Variants in FAF1 observed in about 807,000 individuals in gnomAD.
FAF1 encodes FAS-associated factor 1.
A neutral mutation model predicts 92.5 loss-of-function variants in FAF1; 25 were observed. That is an observed-to-expected ratio of 0.27 (90% CI 0.20 to 0.38). FAF1 has a LOEUF of 0.38. FAF1 is among the 10% of genes least tolerant of loss of function. The probability of loss-of-function intolerance (pLI) is 1.00; values close to 1 mark genes in which losing one functional copy is unlikely to be tolerated. For missense variants in FAF1, 636 were observed against 793.3 expected, an observed-to-expected ratio of 0.80 and a Z score of 2.38; for synonymous variants, 234 against 273.2, an observed-to-expected ratio of 0.86 and a Z score of 1.42.
intron 8 of FAF1, among the ~76,000 whole-genome samples, chr1:50,640,642 T>G (rs1300029665): frequency 6.6e-6 from 1 of 152,140 alleles, no homozygotes; most frequent in Non-Finnish European, 1.5e-5. Context: ...ATTTTAACCT[T>G]TCAAGCAACT....
chr1:50,952,662 G>A (rs1402853715), intron 1 of FAF1, among the ~76,000 whole-genome samples: 1 of 151,860 alleles, frequency 6.6e-6, no homozygotes, highest in Non-Finnish European at 1.5e-5. Flanking sequence ...TAGGAAGTGA[G>A]GAGCATCTCT....
chr1:50,575,633 A>G (rs1650695192), intron 12 of FAF1, among the ~76,000 whole-genome samples: 1 of 152,250 alleles, frequency 6.6e-6, no homozygotes, highest in Admixed American at 6.5e-5. Context: ...TAGCATTCTA[A>G]GTCTTATTTC....
Position 50,596,135 on chromosome 1 carries a change from C to G in FAF1, c.826G>C (p.Glu276Gln), listed in dbSNP as rs765687016. 1.9e-6 allele frequency: 3 copies of G among 1,613,476 alleles called. No homozygotes were observed. Among genetic ancestry groups the G allele is most frequent in the Middle Eastern group, 1.7e-4 (1 of 6,030 alleles). ...AACAGGCTTACTTCTTCCGACTGTT[C>G]CCGGGTCTGTGCAGGTGAAGATCTT... ...GRRSSPAQTREQSEEQITDVH... is the reference protein window; with the variant it reads ...GRRSSPAQTRQQSEEQITDVH... Residue 276 changes from glutamate to glutamine, a missense_variant, in exon 9 of 19, where the codon GAA (glutamate) becomes CAA (glutamine). By Grantham distance (29) the Glu-to-Gln change is conservative. Transcript: ENST00000396153.
At chr1:50,838,226 T>A (rs1156587961) in intron 2 of FAF1, among the ~76,000 whole-genome samples, 3 of 152,142 alleles carry the variant, frequency 2.0e-5, no homozygotes, top group Admixed American at 2.0e-4. Flanking sequence ...TGGTGGATGT[T>A]TCTTTAAAAA....
At position 50,938,910 on chromosome 1, in the gene FAF1, G is replaced by A. The variant is rs764763987; in HGVS notation, c.45+20857C>T. Among the ~76,000 whole-genome samples the A allele has an allele frequency of 2.7e-4, 41 of 152,084 alleles. 1 individual carries two copies. The highest frequency in any genetic ancestry group is 4.3e-4 in the Non-Finnish European group (29 of 68,016). ...CTTTTATTTCTGAGTTTTCTATTCT[G>A]TTCCATTGGTCTATGTGTCTGTTTT... is the stretch of plus-strand genomic sequence containing the variant. On this transcript the variant is annotated intron_variant, in intron 1 of 18. Transcript: ENST00000396153.
intron 12 of FAF1, among the ~76,000 whole-genome samples, chr1:50,574,494 C>G (rs1390238072): frequency 6.6e-6 from 1 of 152,106 alleles, no homozygotes; most frequent in Non-Finnish European, 1.5e-5. Context: ...TTTTCTAACC[C>G]TTTACTATTC....
intron 8 of FAF1, among the ~76,000 whole-genome samples, chr1:50,613,602 GT>G (rs1481093528): frequency 1.3e-5 from 2 of 151,896 alleles, no homozygotes; most frequent in Non-Finnish European, 2.9e-5. Flanking sequence ...AATTTATAAT[GT>G]ATATTAAACA....
At chr1:50,895,043 TA>T (rs1223683422) in intron 1 of FAF1, among the ~76,000 whole-genome samples, 4 of 150,864 alleles carry the variant, frequency 2.7e-5, no homozygotes, top group Non-Finnish European at 1.5e-5. Context: ...AGAGCAGAAA[TA>T]AATGCAATTG....
At chr1:50,691,869 G>A (rs981347213) in intron 7 of FAF1, among the ~76,000 whole-genome samples, 1 of 152,130 alleles carries the variant, frequency 6.6e-6, no homozygotes, top group Non-Finnish European at 1.5e-5. Flanking sequence ...TATTTATGGG[G>A]TACAAAGTGA....
At chr1:50,818,096 G>A (rs1049219744) in intron 2 of FAF1, among the ~76,000 whole-genome samples, 5 of 152,038 alleles carry the variant, frequency 3.3e-5, no homozygotes, top group African/African-American at 7.2e-5. Flanking sequence ...ACAGGTGCAC[G>A]TATCTGTCAA....
intron 15 of FAF1, among the ~76,000 whole-genome samples, chr1:50,500,848 C>A (rs1317057056): frequency 6.6e-6 from 1 of 152,008 alleles, no homozygotes; most frequent in Admixed American, 6.6e-5. Context: ...AATATTATTA[C>A]TACAATTATA....
chr1:50,555,426 A>G (rs1301737208), intron 13 of FAF1, among the ~76,000 whole-genome samples: 1 of 152,206 alleles, frequency 6.6e-6, no homozygotes, highest in Non-Finnish European at 1.5e-5. Flanking sequence ...AAAAACAAAT[A>G]ATCCCATTAA....
At chr1:50,833,009 T>C (rs2124634652) in intron 2 of FAF1, among the ~76,000 whole-genome samples, 1 of 149,820 alleles carries the variant, frequency 6.7e-6, no homozygotes, top group African/African-American at 2.6e-5. Context: ...ACCATGCTGT[T>C]ATGGCCTTTT....
intron 2 of FAF1, among the ~76,000 whole-genome samples, chr1:50,820,252 T>C (rs1644031686): frequency 6.6e-6 from 1 of 152,182 alleles, no homozygotes; most frequent in Non-Finnish European, 1.5e-5. Context: ...CAAGTATTCG[T>C]ATTCTGATAG....
chr1:50,647,056 C>CCAGGCTGGT (rs1335903369), intron 8 of FAF1, among the ~76,000 whole-genome samples: 1 of 152,056 alleles, frequency 6.6e-6, no homozygotes, highest in Non-Finnish European at 1.5e-5. Context: ...ACCATGTTGG[C>CCAGGCTGGT]CAGGCTGGTC....
intron 1 of FAF1, among the ~76,000 whole-genome samples, chr1:50,906,200 A>G (rs554967833): frequency 1.3e-5 from 2 of 152,142 alleles, no homozygotes; most frequent in African/African-American, 2.4e-5. Flanking sequence ...GATGTGTGGT[A>G]TTATTTCTGA....
intron 18 of FAF1, among the ~76,000 whole-genome samples, chr1:50,455,182 A>AC (rs1650274215): frequency 6.6e-6 from 1 of 152,188 alleles, no homozygotes; most frequent in Non-Finnish European, 1.5e-5. Flanking sequence ...GGCTGACAGT[A>AC]AGTCTGCATC....
intron 13 of FAF1, among the ~76,000 whole-genome samples, chr1:50,564,038 T>C (rs1557996927): frequency 6.6e-6 from 1 of 152,340 alleles, no homozygotes; most frequent in East Asian, 1.9e-4. Flanking sequence ...TTCTGGTGAC[T>C]TCATCAAAGC....
chr1:50,527,564 T>C (rs968674170), intron 15 of FAF1, among the ~76,000 whole-genome samples: 4 of 152,232 alleles, frequency 2.6e-5, no homozygotes, highest in Non-Finnish European at 5.9e-5. Context: ...TTCTGTAATA[T>C]ATATTTCTCA....
Sources: gnomAD v4.1 joint callset for allele counts (sites outside exome capture counted in the v4.1 genomes callset) on GRCh38, gnomAD v4.1.1 for gene constraint, MANE v1.5 for transcripts, NCBI Gene and HGNC (gene_info 2026-07-23, HGNC 2026-07-21) for gene names.